The following OTUD7A variants were observed in gnomAD, a reference collection of about 807,000 sequenced individuals.
OTUD7A encodes OTU domain-containing protein 7A.
Under a neutral mutation model 65.7 loss-of-function variants are expected in OTUD7A, and 12 were observed. The observed-to-expected ratio is 0.18, with a 90% CI of 0.12 to 0.30. OTUD7A has a LOEUF of 0.30. Among genes scored for constraint, OTUD7A ranks in the 10% least tolerant of loss-of-function variants. The pLI is 1.00. For missense variants in OTUD7A, 1,148 were observed against 1,304.8 expected (o/e 0.88, Z 1.85); for synonymous variants, 641 against 586.3 (o/e 1.09, Z -1.35).
chr15:31,578,305 A>T (rs1292487352), intron 3 of OTUD7A, among the ~76,000 whole-genome samples: 2 of 152,222 alleles, frequency 1.3e-5, no homozygotes, highest in Non-Finnish European at 2.9e-5. Context: ...TTTAACATCC[A>T]GCATTTAACA....
At chr15:31,742,076 CT>C (rs1894359730) in intron 1 of OTUD7A, among the ~76,000 whole-genome samples, 1 of 152,048 alleles carries the variant, frequency 6.6e-6, no homozygotes, top group African/African-American at 2.4e-5. Flanking sequence ...CAGATACATA[CT>C]TTTGTTTTTC....
chr15:31,697,677 A>C (rs1221949576), intron 1 of OTUD7A, among the ~76,000 whole-genome samples: 1 of 152,098 alleles, frequency 6.6e-6, no homozygotes, highest in Non-Finnish European at 1.5e-5. Context: ...CTATCATTAC[A>C]TTTTCACAAC....
intron 1 of OTUD7A, among the ~76,000 whole-genome samples, chr15:31,755,833 C>T (rs1342689629): frequency 6.6e-6 from 1 of 152,200 alleles, no homozygotes; most frequent in Non-Finnish European, 1.5e-5. Context: ...TGCCTGTTTG[C>T]TTGTTTTCCA....
At chr15:31,559,729 G>A (rs1045828200) in intron 4 of OTUD7A, among the ~76,000 whole-genome samples, 6 of 151,964 alleles carry the variant, frequency 3.9e-5, no homozygotes, top group Non-Finnish European at 8.8e-5. Flanking sequence ...TACTATATAC[G>A]TGTACACATA....
At chr15:31,840,820 C>T (rs1490903221) in intron 1 of OTUD7A, among the ~76,000 whole-genome samples, 9 of 152,162 alleles carry the variant, frequency 5.9e-5, no homozygotes, top group Non-Finnish European at 1.2e-4. Flanking sequence ...ATAGAATTTG[C>T]TATCTACCAC....
chr15:31,630,028 C>T (rs917866711), intron 3 of OTUD7A, among the ~76,000 whole-genome samples: 25 of 149,334 alleles, frequency 1.7e-4, no homozygotes, highest in African/African-American at 5.9e-4. Flanking sequence ...TTTGTTGATC[C>T]TTTCAAAAAA....
chr15:31,718,094 C>T (rs191768140), intron 1 of OTUD7A, among the ~76,000 whole-genome samples: 7 of 152,288 alleles, frequency 4.6e-5, no homozygotes, highest in African/African-American at 1.2e-4. Context: ...GGAAGTGATG[C>T]TCTGTCCCCT....
At chr15:31,864,776 C>T (rs1175692362) in intron 1 of OTUD7A, among the ~76,000 whole-genome samples, 7 of 151,188 alleles carry the variant, frequency 4.6e-5, no homozygotes, top group Non-Finnish European at 8.8e-5. Flanking sequence ...CACACACACA[C>T]ACACACACAC....
chr15:31,757,973 A>G (rs1056762205), intron 1 of OTUD7A, among the ~76,000 whole-genome samples: 1 of 152,246 alleles, frequency 6.6e-6, no homozygotes, highest in Non-Finnish European at 1.5e-5. Flanking sequence ...TTGAACAAGC[A>G]TAACAATATT....
intron 1 of OTUD7A, among the ~76,000 whole-genome samples, chr15:31,672,617 A>G (rs928242823): frequency 2.6e-5 from 4 of 152,214 alleles, no homozygotes; most frequent in African/African-American, 9.7e-5. Flanking sequence ...ATTCCCACAT[A>G]GACTCACTTT....
intron 1 of OTUD7A, among the ~76,000 whole-genome samples, chr15:31,713,574 G>A (rs565857872): frequency 7.0e-4 from 107 of 152,018 alleles, no homozygotes; most frequent in Non-Finnish European, 1.1e-3. Context: ...AGCTGAGATC[G>A]TGCCACTACA....
At chr15:31,795,352 A>G (rs924138377) in intron 1 of OTUD7A, among the ~76,000 whole-genome samples, 3 of 152,172 alleles carry the variant, frequency 2.0e-5, no homozygotes, top group African/African-American at 7.2e-5. Flanking sequence ...CTGCACTTTC[A>G]TTCTGCAGCC....
chr15:31,753,275 C>T (rs903821512), intron 1 of OTUD7A, among the ~76,000 whole-genome samples: 6 of 151,872 alleles, frequency 4.0e-5, no homozygotes, highest in African/African-American at 1.2e-4. Flanking sequence ...CAGATCCAGG[C>T]AGTGTCACTG....
chr15:31,715,642 C>G (rs1342909702), intron 1 of OTUD7A, among the ~76,000 whole-genome samples: 3 of 134,730 alleles, frequency 2.2e-5, no homozygotes, highest in Non-Finnish European at 4.8e-5. Flanking sequence ...AATTTAAGTT[C>G]TGGGAACTTG....
chr15:31,827,606 T>C (rs1312207359), intron 1 of OTUD7A, among the ~76,000 whole-genome samples: 5 of 152,212 alleles, frequency 3.3e-5, no homozygotes, highest in Non-Finnish European at 5.9e-5. Flanking sequence ...TATACTTTAA[T>C]GTTCTCCTTC....
chr15:31,748,299 T>A (rs999877765), intron 1 of OTUD7A, among the ~76,000 whole-genome samples: 4 of 151,668 alleles, frequency 2.6e-5, no homozygotes, highest in Non-Finnish European at 5.9e-5. Context: ...CAGTCTCAAA[T>A]GGTTCAGAAA....
At chr15:31,490,040 G>A (rs887770051) in intron 10 of OTUD7A, among the ~76,000 whole-genome samples, 6 of 152,244 alleles carry the variant, frequency 3.9e-5, no homozygotes, top group African/African-American at 1.4e-4. Flanking sequence ...GGTCAACTGC[G>A]GCCTGTGGTG....
intron 1 of OTUD7A, among the ~76,000 whole-genome samples, chr15:31,807,692 G>A (rs1896305765): frequency 6.6e-6 from 1 of 152,136 alleles, no homozygotes; most frequent in African/African-American, 2.4e-5. Flanking sequence ...AAAACCATCA[G>A]CAGAGCCCCC....
rs186026506 is a variant in OTUD7A, at chr15:31,806,838, G to A, written c.-100+63669C>T. On this transcript the variant is annotated intron_variant, in intron 1 of 12. Transcript: ENST00000307050. ...TCACAGGAAAGGTATTCTGCCGTCC[G>A]TGCTCTGCCTCTGGGGCATCCACTA... is the stretch of plus-strand genomic sequence containing the variant. Among the ~76,000 whole-genome samples, 275 of 152,328 alleles carry A rather than the reference G, an allele frequency of 1.8e-3. 1 individual carries two copies. Among genetic ancestry groups the A allele is most frequent in the Non-Finnish European group, 3.5e-3 (238 of 68,026 alleles).
Sources: gnomAD v4.1 joint callset for allele counts (sites outside exome capture counted in the v4.1 genomes callset) on GRCh38, gnomAD v4.1.1 for gene constraint, MANE v1.5 for transcripts, NCBI Gene and HGNC (gene_info 2026-07-23, HGNC 2026-07-21) for gene names.